Variants in ZNF516 observed in about 807,000 individuals in gnomAD.
ZNF516 encodes zinc finger protein 516.
In ZNF516, 19 loss-of-function variants were observed where a neutral mutation model predicts 79.7. The observed-to-expected ratio is 0.24, with a 90% CI of 0.17 to 0.35. The LOEUF is 0.35. ZNF516 is among the 10% of genes least tolerant of loss of function. ZNF516 has a pLI of 1.00. For missense variants in ZNF516, 1,678 were observed against 1,679.5 expected, an observed-to-expected ratio of 1.00 and a Z score of 0.02; for synonymous variants, 877 against 739.5, an observed-to-expected ratio of 1.19 and a Z score of -3.02.
rs1164925581 is a variant in ZNF516, at chr18:76,357,895, A to G, written c.*4603T>C. ...GTGCAAGGGTAAGAACAGTGGGTGT[A>G]TTCAGTGGGGAAATAACATGTGTGC... On this transcript the variant is annotated 3_prime_UTR_variant, in exon 7 of 7. Transcript: ENST00000443185. 6.6e-6 allele frequency among the ~76,000 whole-genome samples: 1 copy of G among 152,112 alleles called. No individual in the cohort carries two copies. Among genetic ancestry groups the G allele is most frequent in the Non-Finnish European group, 1.5e-5 (1 of 68,014 alleles).
chr18:76,374,394 T>G (rs1448521510), intron 4 of ZNF516, among the ~76,000 whole-genome samples: 1 of 152,182 alleles, frequency 6.6e-6, no homozygotes. Flanking sequence ...TTACAGAAAA[T>G]GCAGTGGGTT....
chr18:76,432,789 A>G (rs2075679761), intron 3 of ZNF516, among the ~76,000 whole-genome samples: 1 of 152,204 alleles, frequency 6.6e-6, no homozygotes. Flanking sequence ...CCCCATGCCC[A>G]GGGTCACTCG....
chr18:76,488,407 G>A (rs1914955816), intron 1 of ZNF516, among the ~76,000 whole-genome samples: 1 of 152,002 alleles, frequency 6.6e-6, no homozygotes, highest in East Asian at 1.9e-4. Context: ...ATGTGCAAAG[G>A]AAGTCAGAGC....
At chr18:76,470,521 T>C (rs897101499) in intron 1 of ZNF516, among the ~76,000 whole-genome samples, 1 of 152,228 alleles carries the variant, frequency 6.6e-6, no homozygotes, top group African/African-American at 2.4e-5. Flanking sequence ...TGCTTCTTCC[T>C]GACTGGAAAT....
At position 76,411,854 on chromosome 18, in the gene ZNF516, T is replaced by C. The variant is rs146456277; in HGVS notation, c.1810+29391A>G. On this transcript the variant is annotated intron_variant, in intron 3 of 6. Coordinates refer to ENST00000443185, the MANE Select transcript of ZNF516 (RefSeq NM_014643.4). ...GAAAACGTGTACCACCCCTCCAGCA[T>C]AAAGCAGTTTTTAAAATATTTAAAA... is the stretch of plus-strand genomic sequence containing the variant. 8.6e-3 allele frequency among the ~76,000 whole-genome samples: 1,311 copies of C among 152,330 alleles called. 13 individuals carry two copies. The highest frequency in any genetic ancestry group is 0.027 in the Middle Eastern group (8 of 294).
intron 2 of ZNF516, among the ~76,000 whole-genome samples, chr18:76,458,674 T>TGC (rs1334647022): frequency 1.8e-4 from 26 of 146,522 alleles, no homozygotes; most frequent in South Asian, 4.4e-4. Flanking sequence ...CTCACCGTCG[T>TGC]GTGTGCGTGC....
intron 3 of ZNF516, among the ~76,000 whole-genome samples, chr18:76,418,436 C>T (rs1355647395): frequency 1.3e-5 from 2 of 151,986 alleles, no homozygotes; most frequent in Non-Finnish European, 2.9e-5. Context: ...CACACACTAA[C>T]ACTAACACAT....
rs79929884 is a variant in ZNF516 at position 76,432,239 on chromosome 18, G to A, written c.1810+9006C>T. 5.3e-4 allele frequency among the ~76,000 whole-genome samples: 81 copies of A among 152,342 alleles called. No individual in the cohort carries two copies. The East Asian group carries it at 0.014, about 26-fold the overall frequency. ...AGCCTCTGCCTTCGGCACCAACACC[G>A]TGCAAAGCACCAGCACCATCGATAC... On this transcript the variant is annotated intron_variant, in intron 3 of 6. Transcript: ENST00000443185.
intron 3 of ZNF516, 105 bp downstream of exon 3, chr18:76,441,126 AAAGGGCCACCGGGT>A: frequency 2.2e-6 from 3 of 1,389,558 alleles, no homozygotes; most frequent in South Asian, 3.0e-5. Context: ...CTAGCTGAGT[AAAGGGCCACCGGGT>A]AAGGGGCTAA....
Position 76,357,974 on chromosome 18 carries a change from C to A in ZNF516, c.*4524G>T, listed in dbSNP as rs561787695. On this transcript the variant is annotated 3_prime_UTR_variant, in exon 7 of 7. Transcript: ENST00000443185. ...TCTCCATTAAAAAACTGTATGTCCT[C>A]GAGTCCACAAAAGAGTTGGAAAAAA... Among the ~76,000 whole-genome samples the A allele has an allele frequency of 2.6e-5, 4 of 152,244 alleles. No individual in the cohort carries two copies. Among genetic ancestry groups the A allele is most frequent in the Middle Eastern group, 3.4e-3 (1 of 294 alleles).
chr18:76,485,528 G>GA (rs1914779175), intron 1 of ZNF516, among the ~76,000 whole-genome samples: 1 of 152,190 alleles, frequency 6.6e-6, no homozygotes, highest in South Asian at 2.1e-4. Context: ...GTAAAACAGA[G>GA]AAAACAGGAT....
At chr18:76,425,806 G>T (rs763727407) in intron 3 of ZNF516, among the ~76,000 whole-genome samples, 5 of 152,136 alleles carry the variant, frequency 3.3e-5, no homozygotes, top group Non-Finnish European at 5.9e-5. Context: ...GACAACCCAC[G>T]AGGGGTCGAG....
rs747629899 is a variant in ZNF516 at position 76,379,321 on chromosome 18, A to G, written c.2793T>C (p.Pro931=). ...GGGGFSRSAT[P]TPTVIARAGA... is the part of the protein sequence containing the mutation. ...CAGCCCGGGCGATGACGGTGGGCGTAGGGGTGGCGCTCCTGCTGAAGCCCC... is the reference window on the plus strand; with the variant it reads ...CAGCCCGGGCGATGACGGTGGGCGTGGGGGTGGCGCTCCTGCTGAAGCCCC... Residue 931 remains proline (P), a synonymous_variant, in exon 4 of 7, where the codon CCT becomes CCC. Coordinates refer to ENST00000443185, the MANE Select transcript of ZNF516 (RefSeq NM_014643.4). 1 of 1,600,996 alleles carries G rather than the reference A, an allele frequency of 6.2e-7. No homozygotes were observed. Among genetic ancestry groups the G allele is most frequent in the East Asian group, 2.2e-5 (1 of 44,694 alleles).
At chr18:76,445,131 C>G (rs1222291062) in intron 2 of ZNF516, among the ~76,000 whole-genome samples, 2 of 152,082 alleles carry the variant, frequency 1.3e-5, no homozygotes, top group Admixed American at 1.3e-4. Flanking sequence ...ATGGTGTGCA[C>G]CTGTAGTCCC....
At chr18:76,417,454 T>C (rs2075446338) in intron 3 of ZNF516, among the ~76,000 whole-genome samples, 1 of 152,230 alleles carries the variant, frequency 6.6e-6, no homozygotes, top group Non-Finnish European at 1.5e-5. Context: ...CAAAGATATT[T>C]ACAAGTAATT....
Position 76,360,870 on chromosome 18 carries a change from T to A in ZNF516, c.*1628A>T, listed in dbSNP as rs548925962. 6.7e-6 allele frequency: 1 copy of A among 149,832 alleles called. No homozygotes were observed. The highest frequency in any genetic ancestry group is 2.1e-4 in the South Asian group (1 of 4,746). 9.3% of individuals were successfully genotyped at this position (149,832 alleles called of 1,614,324 possible). A position where few individuals can be genotyped will look rare whatever the true frequency, so the allele number is the denominator to read the frequency against. On this transcript the variant is annotated 3_prime_UTR_variant, in exon 7 of 7. Coordinates refer to ENST00000443185, the MANE Select transcript of ZNF516 (RefSeq NM_014643.4). ...AGAACAGGAAACCCACACTTTAGGG[T>A]GTGTGTGTGTGTTTGTGTGTGTGTG...
At chr18:76,427,666 A>T (rs1348724167) in intron 3 of ZNF516, among the ~76,000 whole-genome samples, 1 of 152,236 alleles carries the variant, frequency 6.6e-6, no homozygotes, top group South Asian at 2.1e-4. Context: ...CTCTACAATA[A>T]AAGACTTCAT....
chr18:76,483,884 C>T (rs1914676759), intron 1 of ZNF516, among the ~76,000 whole-genome samples: 1 of 152,194 alleles, frequency 6.6e-6, no homozygotes, highest in Non-Finnish European at 1.5e-5. Flanking sequence ...TTGAGCGCTG[C>T]CATGTGACAG....
intron 2 of ZNF516, among the ~76,000 whole-genome samples, chr18:76,454,804 C>T (rs1912619792): frequency 6.6e-6 from 1 of 152,198 alleles, no homozygotes; most frequent in Non-Finnish European, 1.5e-5. Context: ...CAAAATTCCA[C>T]TACAACTCCC....
Sources: allele counts gnomAD v4.1 joint callset (sites outside exome capture counted in the v4.1 genomes callset), GRCh38; gene constraint gnomAD v4.1.1; transcripts MANE v1.5; gene names NCBI Gene and HGNC (gene_info 2026-07-23, HGNC 2026-07-21).